Variants in RIMBP2 observed in about 807,000 individuals in gnomAD.
The protein encoded by RIMBP2 is RIMS-binding protein 2.
A neutral mutation model predicts 118.6 loss-of-function variants in RIMBP2; 48 were observed. The observed-to-expected ratio is 0.40, with a 90% confidence interval of 0.32 to 0.51. RIMBP2 has a LOEUF of 0.51. Among genes scored for constraint, RIMBP2 ranks in the 20% least tolerant of loss-of-function variants. The pLI, the probability that RIMBP2 is intolerant of heterozygous loss-of-function variation, is 0.41. For missense variants in RIMBP2, 1,551 were observed against 1,768.3 expected, an observed-to-expected ratio of 0.88 and a Z score of 2.20; for synonymous variants, 762 against 742.9, an observed-to-expected ratio of 1.03 and a Z score of -0.42.
At chr12:130,638,852 T>C (rs10848166) in intron 1 of RIMBP2, among the ~76,000 whole-genome samples, 107,778 of 151,986 alleles carry the variant, frequency 0.71, 38,757 homozygotes, top group Middle Eastern at 0.79. Context: ...GCAGTGGAAC[T>C]ACAGGGTCTG....
At chr12:130,467,305 C>T (rs2075318281) in intron 6 of RIMBP2, among the ~76,000 whole-genome samples, 1 of 152,216 alleles carries the variant, frequency 6.6e-6, no homozygotes, top group African/African-American at 2.4e-5. Context: ...CCCCAAATTG[C>T]TCCTGGAGAT....
chr12:130,451,052 A>G (rs971886675), intron 8 of RIMBP2, 143 bp downstream of exon 8: 60 of 959,794 alleles, frequency 6.3e-5, no homozygotes, highest in Non-Finnish European at 8.4e-5. Flanking sequence ...GGGCAAGGGA[A>G]TTAACAGGGG....
In RIMBP2 at chr12:130,688,555, G is replaced by A. The variant is rs1451660929; in HGVS notation, c.-352+27667C>T. 2.0e-5 allele frequency among the ~76,000 whole-genome samples: 3 copies of A among 149,224 alleles called. No homozygotes were observed. The highest frequency in any genetic ancestry group is 4.4e-5 in the Non-Finnish European group (3 of 67,864). On this transcript the variant is annotated intron_variant, in intron 1 of 22. Coordinates refer to ENST00000690449, the MANE Select transcript of RIMBP2 (RefSeq NM_001393629.1). This position sits in a 1 kb window ranked among gnomAD's most constrained non-coding sequence, Gnocchi z 4.7. ...ATGAGTCGTCTTCACCCCTCCATCC[G>A]TTACCCCCTGTCAGTTACCCCGGGT...
intron 4 of RIMBP2, among the ~76,000 whole-genome samples, chr12:130,505,975 G>A (rs1392749172): frequency 6.7e-6 from 1 of 150,066 alleles, no homozygotes; most frequent in Non-Finnish European, 1.5e-5. Context: ...CCTGTTTTCT[G>A]CAATTGTGAA....
chr12:130,648,669 T>C lies in RIMBP2; in HGVS notation c.-351-20213A>G, dbSNP rs555418565. On this transcript the variant is annotated intron_variant, in intron 1 of 22. Coordinates refer to ENST00000690449, the MANE Select transcript of RIMBP2 (RefSeq NM_001393629.1). Reference sequence around the variant, plus strand: ...TCTAAAATTAGTATCTTTTTTTTTTTTTTTGAGACGGAGTTTCGCTCTTGT... The same window carrying C: ...TCTAAAATTAGTATCTTTTTTTTTTCTTTTGAGACGGAGTTTCGCTCTTGT... 4.1e-4 allele frequency among the ~76,000 whole-genome samples: 59 copies of C among 144,482 alleles called. 7 individuals are homozygous for C. The highest frequency in any genetic ancestry group is 3.6e-3 in the South Asian group (17 of 4,672). The allele number at this position is 144,482 out of a possible 152,430, so 94.8% of individuals were successfully genotyped here. A position where few individuals can be genotyped will look rare whatever the true frequency, so the allele number is the denominator to read the frequency against.
At chr12:130,650,377 C>T (rs948131118) in intron 1 of RIMBP2, among the ~76,000 whole-genome samples, 2 of 152,240 alleles carry the variant, frequency 1.3e-5, no homozygotes, top group Non-Finnish European at 1.5e-5. Flanking sequence ...CTCTTAACAC[C>T]GCATGTGTGC....
intron 2 of RIMBP2, among the ~76,000 whole-genome samples, chr12:130,538,160 G>A (rs1334274668): frequency 4.6e-5 from 7 of 151,912 alleles, no homozygotes; most frequent in Non-Finnish European, 7.4e-5. Context: ...GATGTTTTAC[G>A]GGGCCCCAAG....
intron 2 of RIMBP2, among the ~76,000 whole-genome samples, chr12:130,544,006 C>T (rs1027791151): frequency 1.3e-5 from 2 of 152,182 alleles, no homozygotes; most frequent in African/African-American, 4.8e-5. Context: ...ACCTTATGAT[C>T]ACTCATCTTG....
intron 14 of RIMBP2, 22 bp from the exon 15 acceptor site, chr12:130,428,359 T>C: frequency 6.3e-7 from 1 of 1,593,468 alleles, no homozygotes; most frequent in Non-Finnish European, 8.6e-7. Context: ...GAAAAGGGGC[T>C]ACTGAGCGGG....
At position 130,412,614 on chromosome 12, in the gene RIMBP2, C is replaced by T. The variant is rs765657693; in HGVS notation, c.3589+5G>A. ...AGGGAAGGTCGAATAGGGGTTTGCG[C>T]TTACCTATTTTCTCCACAGGTGTAT... On this transcript the variant is annotated splice_donor_5th_base_variant and intron_variant, in intron 19 of 22. Coordinates refer to ENST00000690449, the MANE Select transcript of RIMBP2 (RefSeq NM_001393629.1). The T allele has an allele frequency of 9.3e-6, 15 of 1,613,282 alleles. No individual in the cohort carries two copies. The highest frequency in any genetic ancestry group is 1.3e-5 in the Non-Finnish European group (15 of 1,179,586).
chr12:130,495,387 G>A (rs1388754132), intron 4 of RIMBP2, among the ~76,000 whole-genome samples: 1 of 152,198 alleles, frequency 6.6e-6, no homozygotes, highest in Non-Finnish European at 1.5e-5. Context: ...CCCCAGGGAT[G>A]TTGCTTGGTC....
rs533120860 is a variant in RIMBP2 at position 130,469,691 on chromosome 12, C to T, written c.153+1002G>A. On this transcript the variant is annotated intron_variant, in intron 6 of 22. Transcript: ENST00000690449. The surrounding 1 kb of genome is among the most constrained non-coding windows in gnomAD (Gnocchi z 4.8). ...GGGAGGAATAGACTTTAAAAGGCAA[C>T]GTAAGAGATGCACATAGCCCGTTTT... 7.9e-5 allele frequency among the ~76,000 whole-genome samples: 12 copies of T among 152,216 alleles called. No individual in the cohort carries two copies. The South Asian group carries it at 8.3e-4, about 11-fold the overall frequency.
intron 1 of RIMBP2, among the ~76,000 whole-genome samples, chr12:130,702,183 TA>T (rs1332875454): frequency 5.3e-5 from 8 of 151,856 alleles, no homozygotes; most frequent in Admixed American, 5.2e-4. Context: ...TGATTTTGGG[TA>T]AATTTCCAAA....
chr12:130,646,761 G>A (rs1236612341), intron 1 of RIMBP2, among the ~76,000 whole-genome samples: 1 of 152,266 alleles, frequency 6.6e-6, no homozygotes, highest in Non-Finnish European at 1.5e-5. Context: ...GCCGCCTCCA[G>A]GGGCGAATGA....
Position 130,670,769 on chromosome 12 carries a change from T to TTTCCA in RIMBP2, c.-351-42318_-351-42314dup, listed in dbSNP as rs2064160497. On this transcript the variant is annotated intron_variant, in intron 1 of 22. Coordinates refer to ENST00000690449, the MANE Select transcript of RIMBP2 (RefSeq NM_001393629.1). This position sits in a 1 kb window ranked among gnomAD's most constrained non-coding sequence, Gnocchi z 4.9. Reference sequence around the variant, plus strand: ...TAAAGAAGATTTAGGAAGACTTTTCTTTCCATTTATTTATTTATTTATGAG... The same window carrying TTTCCA: ...TAAAGAAGATTTAGGAAGACTTTTCTTTCCATTCCATTTATTTATTTATTTATGAG... Among the ~76,000 whole-genome samples, 1 of 152,184 alleles carries TTTCCA rather than the reference T, an allele frequency of 6.6e-6. No homozygotes were observed. Among genetic ancestry groups the TTTCCA allele is most frequent in the Non-Finnish European group, 1.5e-5 (1 of 68,036 alleles).
At chr12:130,674,491 C>T (rs979462364) in intron 1 of RIMBP2, among the ~76,000 whole-genome samples, 7 of 152,114 alleles carry the variant, frequency 4.6e-5, no homozygotes, top group African/African-American at 1.7e-4. Flanking sequence ...CACCTGTGTG[C>T]ACCTGGGCAC....
At chr12:130,663,657 G>A (rs753055518) in intron 1 of RIMBP2, among the ~76,000 whole-genome samples, 10 of 151,726 alleles carry the variant, frequency 6.6e-5, no homozygotes, top group Non-Finnish European at 1.2e-4. Context: ...AAGTTACCCA[G>A]CCTAGCAGCA....
rs574516333 is a variant in RIMBP2, at chr12:130,523,301, C to T, written c.-216-5384G>A. On this transcript the variant is annotated intron_variant, in intron 2 of 22. Coordinates refer to ENST00000690449, the MANE Select transcript of RIMBP2 (RefSeq NM_001393629.1). This position sits in a 1 kb window ranked among gnomAD's most constrained non-coding sequence, Gnocchi z 4.4. ...AAACAGCCATCTGCAAGTCAAGAAG[C>T]GGCTCGCACCAGGAACCGAATCAGC... is the stretch of plus-strand genomic sequence containing the variant. Among the ~76,000 whole-genome samples, 80 of 152,306 alleles carry T rather than the reference C, an allele frequency of 5.3e-4. No homozygotes were observed. Among genetic ancestry groups the T allele is most frequent in the Admixed American group, 1.6e-3 (25 of 15,304 alleles).
chr12:130,461,291 C>A (rs1232413832), intron 6 of RIMBP2, among the ~76,000 whole-genome samples: 1 of 152,180 alleles, frequency 6.6e-6, no homozygotes, highest in Non-Finnish European at 1.5e-5. Context: ...AGTGCTACAG[C>A]AAATCACCGT....
Sources: allele counts gnomAD v4.1 joint callset (sites outside exome capture counted in the v4.1 genomes callset), GRCh38; gene constraint gnomAD v4.1.1; non-coding constraint Gnocchi (gnomAD v3.1); transcripts MANE v1.5; gene names NCBI Gene and HGNC (gene_info 2026-07-23, HGNC 2026-07-21).